The following CAMSAP1 variants were observed in gnomAD, a reference collection of about 807,000 sequenced individuals.
The protein encoded by CAMSAP1 is calmodulin-regulated spectrin-associated protein 1.
A neutral mutation model predicts 143.5 loss-of-function variants in CAMSAP1; 58 were observed. The observed-to-expected ratio is 0.40, with a 90% CI of 0.33 to 0.50. CAMSAP1 has a LOEUF of 0.50. Among genes scored for constraint, CAMSAP1 ranks in the 20% least tolerant of loss-of-function variants. The pLI is 0.45. For synonymous variants in CAMSAP1, 945 were observed against 859.3 expected, an observed-to-expected ratio of 1.10 and a Z score of -1.74; for missense variants, 1,969 against 2,115.7, an observed-to-expected ratio of 0.93 and a Z score of 1.36.
At chr9:135,827,281 A>C in intron 8 of CAMSAP1, 126 bp downstream of exon 8, 1 of 1,014,758 alleles carries the variant, frequency 9.9e-7, no homozygotes, top group Non-Finnish European at 1.3e-6. Flanking sequence ...GGACAGAAGG[A>C]AAATCTTTCA....
In CAMSAP1 at chr9:135,841,851, C is replaced by T. The variant is rs570082806; in HGVS notation, c.1045+8286G>A. On this transcript the variant is annotated intron_variant, in intron 7 of 16. Coordinates refer to ENST00000389532, the MANE Select transcript of CAMSAP1 (RefSeq NM_015447.4). ...AAAAACCCCATCCAAAGGTCACCAA[C>T]ATCAAAAACCAAAGGTAGATAAATC... Among the ~76,000 whole-genome samples the T allele has an allele frequency of 5.3e-5, 8 of 152,290 alleles. No homozygotes were observed. The South Asian group carries it at 8.3e-4, about 16-fold the overall frequency.
At chr9:135,841,727 C>T (rs565719438) in intron 7 of CAMSAP1, among the ~76,000 whole-genome samples, 8 of 152,322 alleles carry the variant, frequency 5.3e-5, no homozygotes, top group Admixed American at 3.9e-4. Context: ...AGTGGACCTC[C>T]AGCAAACTCC....
chr9:135,876,473 A>C (rs1837753798), intron 3 of CAMSAP1, among the ~76,000 whole-genome samples: 1 of 152,228 alleles, frequency 6.6e-6, no homozygotes, highest in African/African-American at 2.4e-5. Context: ...CCCATTAGGA[A>C]AACATTAAAA....
At chr9:135,875,211 A>AT (rs56899993) in intron 3 of CAMSAP1, among the ~76,000 whole-genome samples, 119,922 of 147,132 alleles carry the variant, frequency 0.82, 48,748 homozygotes, top group East Asian at 0.87. Flanking sequence ...AGTGAAAACA[A>AT]TTTTTTTTTT....
At chr9:135,844,630 T>C (rs185993148) in intron 7 of CAMSAP1, among the ~76,000 whole-genome samples, 3 of 151,564 alleles carry the variant, frequency 2.0e-5, no homozygotes, top group Admixed American at 1.3e-4. Context: ...GCCACACTAA[T>C]AAAGAAGAAA....
chr9:135,840,537 T>C (rs1836303695), intron 7 of CAMSAP1, among the ~76,000 whole-genome samples: 1 of 152,192 alleles, frequency 6.6e-6, no homozygotes, highest in Admixed American at 6.5e-5. Context: ...CTTCTTGAGC[T>C]GGACAGTATC....
intron 4 of CAMSAP1, among the ~76,000 whole-genome samples, chr9:135,864,779 C>T (rs972768199): frequency 3.3e-5 from 5 of 152,184 alleles, no homozygotes; most frequent in African/African-American, 7.2e-5. Context: ...AATAAGGAAA[C>T]GCCCCTTCCC....
chr9:135,851,494 G>A (rs922249165), intron 5 of CAMSAP1, among the ~76,000 whole-genome samples: 1 of 152,122 alleles, frequency 6.6e-6, no homozygotes, highest in African/African-American at 2.4e-5. Flanking sequence ...CGTCTTATAG[G>A]CTTCAGATCT....
Position 135,820,735 on chromosome 9 carries a change from G to T in CAMSAP1, c.3822+104C>A. 1 of 1,440,136 alleles carries T rather than the reference G, an allele frequency of 6.9e-7. No individual in the cohort carries two copies. The highest frequency in any genetic ancestry group is 9.4e-7 in the Non-Finnish European group (1 of 1,069,002). The allele number at this position is 1,440,136 out of a possible 1,614,324, so 89.2% of individuals were successfully genotyped here. On this transcript the variant is annotated intron_variant, in intron 11 of 16. Transcript: ENST00000389532. This position sits in a 1 kb window ranked among gnomAD's most constrained non-coding sequence, Gnocchi z 4.4. ...CACACACATCCCCTGGCCTCTTACA[G>T]GAGCGGCTGGCCAGCCTGGTGCAGA...
chr9:135,845,396 C>T (rs190117772), intron 7 of CAMSAP1, among the ~76,000 whole-genome samples: 30 of 152,232 alleles, frequency 2.0e-4, no homozygotes, highest in Admixed American at 3.9e-4. Context: ...TTAGACAAAC[C>T]GACAGCCAAC....
intron 1 of CAMSAP1, among the ~76,000 whole-genome samples, chr9:135,885,335 G>T (rs1838089145): frequency 6.6e-6 from 1 of 152,086 alleles, no homozygotes; most frequent in Admixed American, 6.6e-5. Flanking sequence ...ATGTCTGGGG[G>T]CACCTCGAGC....
chr9:135,826,955 C>A lies in CAMSAP1; in HGVS notation c.1223+452G>T, dbSNP rs1385857976. 2.0e-5 allele frequency among the ~76,000 whole-genome samples: 3 copies of A among 152,222 alleles called. No individual in the cohort carries two copies. The highest frequency in any genetic ancestry group is 7.2e-5 in the African/African-American group (3 of 41,454). ...AGTTTAGCCTTTAAGCAGCTCTATA[C>A]ACTTTTTCACTCGAATCAAATTAAT... On this transcript the variant is annotated intron_variant, in intron 8 of 16. Coordinates refer to ENST00000389532, the MANE Select transcript of CAMSAP1 (RefSeq NM_015447.4). This position sits in a 1 kb window ranked among gnomAD's most constrained non-coding sequence, Gnocchi z 4.4.
intron 5 of CAMSAP1, among the ~76,000 whole-genome samples, chr9:135,853,555 G>A (rs996141921): frequency 6.6e-6 from 1 of 152,218 alleles, no homozygotes; most frequent in African/African-American, 2.4e-5. Flanking sequence ...ACTGACTGGG[G>A]ATCTAAGTAC....
At chr9:135,819,203 G>A in intron 11 of CAMSAP1, 57 bp from the exon 12 acceptor site, 2 of 1,544,568 alleles carry the variant, frequency 1.3e-6, no homozygotes, top group Non-Finnish European at 1.7e-6. Context: ...GCCGGACACG[G>A]CCGCACTCGA....
At chr9:135,832,442 A>G (rs1015385759) in intron 7 of CAMSAP1, among the ~76,000 whole-genome samples, 11 of 152,232 alleles carry the variant, frequency 7.2e-5, no homozygotes, top group Admixed American at 3.9e-4. Flanking sequence ...CATTTATGAA[A>G]AGCCCACAGC....
Position 135,837,913 on chromosome 9 carries a change from G to A in CAMSAP1, c.1046-10329C>T, listed in dbSNP as rs370557610. 1.3e-4 allele frequency among the ~76,000 whole-genome samples: 18 copies of A among 135,966 alleles called. No homozygotes were observed. In the East Asian group the frequency reaches 2.3e-3, roughly 17 times the overall value. The allele number at this position is 135,966 out of a possible 152,430, so 89.2% of individuals were successfully genotyped here. A position where few individuals can be genotyped will look rare whatever the true frequency, so the allele number is the denominator to read the frequency against. On this transcript the variant is annotated intron_variant, in intron 7 of 16. Transcript: ENST00000389532. ...CCGTTCTACAGACACACGTTATCAC[G>A]CACTTTCCACCTGTTCTACAGACAC...
intron 1 of CAMSAP1, among the ~76,000 whole-genome samples, chr9:135,899,873 GT>G (rs1252538530): frequency 6.6e-6 from 1 of 152,086 alleles, no homozygotes; most frequent in Non-Finnish European, 1.5e-5. Flanking sequence ...CTACTCCCCT[GT>G]TCTGCCAGTA....
At chr9:135,854,178 G>T (rs907261363) in intron 5 of CAMSAP1, among the ~76,000 whole-genome samples, 1 of 152,328 alleles carries the variant, frequency 6.6e-6, no homozygotes, top group Non-Finnish European at 1.5e-5. Context: ...CCCTGTGGAT[G>T]TATGTGTTGA....
chr9:135,897,856 C>T lies in CAMSAP1; in HGVS notation c.160+9144G>A, dbSNP rs543094699. ...TGTAATATATTCAGGCCACAGTTGA[C>T]CAAAGGTTACTGATAACAGGGGACT... is the stretch of plus-strand genomic sequence containing the variant. On this transcript the variant is annotated intron_variant, in intron 1 of 16. Coordinates refer to ENST00000389532, the MANE Select transcript of CAMSAP1 (RefSeq NM_015447.4). 3.3e-5 allele frequency among the ~76,000 whole-genome samples: 5 copies of T among 152,234 alleles called. No homozygotes were observed. The South Asian group carries it at 1.0e-3, about 32-fold the overall frequency.
Sources: allele counts gnomAD v4.1 joint callset (sites outside exome capture counted in the v4.1 genomes callset), GRCh38; gene constraint gnomAD v4.1.1; non-coding constraint Gnocchi (gnomAD v3.1); transcripts MANE v1.5; gene names NCBI Gene and HGNC (gene_info 2026-07-23, HGNC 2026-07-21).